Variants in SLC22A25 observed in about 807,000 individuals in gnomAD.
SLC22A25 encodes MGI:2442751, MGI:2385316, MGI:3042283, MGI:3645714, MGI:3605624, MGI:2442750.
Under a neutral mutation model 45.9 loss-of-function variants are expected in SLC22A25, and 44 were observed. That is an observed-to-expected ratio of 0.96 (90% CI 0.75 to 1.23). The LOEUF is 1.23. SLC22A25 is among the 50% of genes most tolerant of loss of function. The pLI is 0.00. For synonymous variants in SLC22A25, 283 were observed against 238.6 expected, an observed-to-expected ratio of 1.19 and a Z score of -1.72; for missense variants, 800 against 666.4, an observed-to-expected ratio of 1.20 and a Z score of -2.21.
Position 63,161,285 on chromosome 11 carries a change from C to T in SLC22A25, c.*2539G>A, listed in dbSNP as rs187746067. On this transcript the variant is annotated 3_prime_UTR_variant, in exon 12 of 12. Coordinates refer to ENST00000306494, the MANE Select transcript of SLC22A25 (RefSeq NM_199352.6). ...CAAGGTCATAGGTGGAAAGGACTTG[C>T]CTTGTCTCAGATGAGACTTTGGACT... Among the ~76,000 whole-genome samples the T allele has an allele frequency of 6.6e-6, 1 of 152,256 alleles. No individual in the cohort carries two copies. The highest frequency in any genetic ancestry group is 6.5e-5 in the Admixed American group (1 of 15,302).
In SLC22A25 at chr11:63,200,391, C is replaced by T. The variant is rs558253373; in HGVS notation, c.831-16574G>A. Among the ~76,000 whole-genome samples, 6 of 150,578 alleles carry T rather than the reference C, an allele frequency of 4.0e-5. No individual in the cohort carries two copies. The South Asian group carries it at 1.3e-3, about 32-fold the overall frequency. On this transcript the variant is annotated intron_variant, in intron 7 of 11. Coordinates refer to ENST00000306494, the MANE Select transcript of SLC22A25 (RefSeq NM_199352.6). ...AATTTGATTCATCACATAAACAGAA[C>T]TAAAGACAAAAACACATGGTTGTCT...
chr11:63,237,562 AT>A (rs1450993135), intron 3 of SLC22A25, among the ~76,000 whole-genome samples: 5 of 152,216 alleles, frequency 3.3e-5, no homozygotes, highest in African/African-American at 1.2e-4. Flanking sequence ...ATAAACTTCT[AT>A]TGTGAATAAA....
intron 1 of SLC22A25, among the ~76,000 whole-genome samples, chr11:63,242,520 A>G (rs1298214101): frequency 6.6e-6 from 1 of 152,176 alleles, no homozygotes; most frequent in Non-Finnish European, 1.5e-5. Flanking sequence ...GGTCTGACAT[A>G]AGTTATTTGA....
chr11:63,231,230 T>A (rs201075183), intron 3 of SLC22A25, among the ~76,000 whole-genome samples: 1 of 152,342 alleles, frequency 6.6e-6, no homozygotes, highest in East Asian at 1.9e-4. Context: ...CACCACACTG[T>A]GTTCCACAAT....
intron 7 of SLC22A25, among the ~76,000 whole-genome samples, chr11:63,203,004 C>A (rs1003079438): frequency 6.6e-6 from 1 of 152,162 alleles, no homozygotes; most frequent in Non-Finnish European, 1.5e-5. Context: ...GCTGGTGATA[C>A]CCAGGGAAAC....
At chr11:63,213,649 A>G (rs1410040534) in intron 7 of SLC22A25, among the ~76,000 whole-genome samples, 3 of 152,144 alleles carry the variant, frequency 2.0e-5, no homozygotes, top group Non-Finnish European at 4.4e-5. Flanking sequence ...ATAACACTAG[A>G]GACTATAAAT....
At chr11:63,199,921 A>T (rs1172454669) in intron 7 of SLC22A25, among the ~76,000 whole-genome samples, 1 of 151,984 alleles carries the variant, frequency 6.6e-6, no homozygotes, top group East Asian at 1.9e-4. Context: ...CCAGACACCC[A>T]ATCTTGCAAG....
intron 9 of SLC22A25, among the ~76,000 whole-genome samples, chr11:63,171,432 C>T (rs1217363233): frequency 6.6e-6 from 1 of 152,178 alleles, no homozygotes; most frequent in East Asian, 1.9e-4. Context: ...CCCAAAACTC[C>T]TTAAGCTGAT....
At chr11:63,164,667 A>T (rs2087618962) in intron 10 of SLC22A25, 33 bp from the exon 11 acceptor site, 1 of 1,548,094 alleles carries the variant, frequency 6.5e-7, no homozygotes, top group Admixed American at 1.7e-5. Flanking sequence ...GCCTCAGGAA[A>T]TCTGAGCTGA....
At chr11:63,224,623 C>T (rs1256751917) in intron 5 of SLC22A25, among the ~76,000 whole-genome samples, 2 of 151,846 alleles carry the variant, frequency 1.3e-5, no homozygotes, top group African/African-American at 4.8e-5. Flanking sequence ...TTGAGGTTAC[C>T]ATGAGGCCTA....
chr11:63,166,451 T>C, intron 9 of SLC22A25, 193 bp from the exon 10 acceptor site: 1 of 1,412,090 alleles, frequency 7.1e-7, no homozygotes, highest in Non-Finnish European at 9.2e-7. Context: ...TGGTAACAAT[T>C]GTATCTTGAG....
intron 3 of SLC22A25, among the ~76,000 whole-genome samples, chr11:63,231,904 T>G (rs936124787): frequency 1.1e-4 from 17 of 152,238 alleles, no homozygotes; most frequent in Admixed American, 2.6e-4. Flanking sequence ...TTTCCCCATT[T>G]CTTGTTTTTG....
rs908977559 is a variant in SLC22A25 at position 63,158,470 on chromosome 11, G to T, written c.*5354C>A. 5.3e-5 allele frequency among the ~76,000 whole-genome samples: 8 copies of T among 152,084 alleles called. No homozygotes were observed. Among genetic ancestry groups the T allele is most frequent in the Admixed American group, 4.6e-4 (7 of 15,274 alleles). On this transcript the variant is annotated 3_prime_UTR_variant, in exon 12 of 12. Coordinates refer to ENST00000306494, the MANE Select transcript of SLC22A25 (RefSeq NM_199352.6). Reference sequence around the variant, plus strand: ...AAAATGTTTTATTTTTAATTTTTGTGGCTACATAGTAGATGGATATATTTA... The same window carrying T: ...AAAATGTTTTATTTTTAATTTTTGTTGCTACATAGTAGATGGATATATTTA...
intron 9 of SLC22A25, chr11:63,167,121 G>A (rs2087712436): frequency 6.6e-6 from 1 of 152,356 alleles, no homozygotes; most frequent in African/African-American, 2.4e-5. Context: ...CATAGGGACT[G>A]TGCTATCCAG....
chr11:63,164,484 G>T, intron 11 of SLC22A25, 42 bp downstream of exon 11: 1 of 1,526,884 alleles, frequency 6.5e-7, no homozygotes. Context: ...GGTTGAGACA[G>T]GTCCATTTTG....
Position 63,229,624 on chromosome 11 carries a change from A to G in SLC22A25, c.29T>C (p.Val10Ala), listed in dbSNP as rs745736807. 3 of 1,609,128 alleles carry G rather than the reference A, an allele frequency of 1.9e-6. No homozygotes were observed. Among genetic ancestry groups the G allele is most frequent in the East Asian group, 2.2e-5 (1 of 44,710 alleles). MAFQDLLDQ[V>A]GGLGRFQILQ... Reference sequence around the variant, plus strand: ...GATCTGGAATCTCCCCAGGCCTCCAACTTGATCTAGGAGGTCCTGAAAGGC... The same window carrying G: ...GATCTGGAATCTCCCCAGGCCTCCAGCTTGATCTAGGAGGTCCTGAAAGGC... The change falls in exon 4 of 12, where the codon GTT becomes GCT. Residue 10 changes from valine to alanine, a missense_variant. Transcript: ENST00000306494.
chr11:63,193,847 G>A (rs137954656), intron 7 of SLC22A25, among the ~76,000 whole-genome samples: 154 of 151,332 alleles, frequency 1.0e-3, no homozygotes, highest in African/African-American at 3.5e-3. Context: ...TCAGAAGATC[G>A]GTAATAACAA....
chr11:63,225,315 G>C (rs185468920), intron 5 of SLC22A25, among the ~76,000 whole-genome samples: 134 of 151,702 alleles, frequency 8.8e-4, no homozygotes, highest in African/African-American at 3.2e-3. Context: ...TGTAGGACAG[G>C]TCTGGTGTTG....
At chr11:63,203,018 G>C (rs946511655) in intron 7 of SLC22A25, among the ~76,000 whole-genome samples, 1 of 152,204 alleles carries the variant, frequency 6.6e-6, no homozygotes, top group Non-Finnish European at 1.5e-5. Flanking sequence ...GGGAAACAGG[G>C]TCTGGAGTGG....
Sources: gnomAD v4.1 joint callset for allele counts (sites outside exome capture counted in the v4.1 genomes callset) on GRCh38, gnomAD v4.1.1 for gene constraint, MANE v1.5 for transcripts, NCBI Gene and HGNC (gene_info 2026-07-23, HGNC 2026-07-21) for gene names.